Variants in SUSD6 observed in about 807,000 individuals in gnomAD.
The protein encoded by SUSD6 is sushi domain-containing protein 6.
SUSD6 carries 16 observed loss-of-function variants against 28.4 expected under a neutral mutation model. The ratio of observed to expected loss-of-function variants is 0.56; its 90% confidence interval spans 0.38 to 0.86. The LOEUF is 0.86. Ranked by LOEUF, SUSD6 falls within the 40% of genes least tolerant of loss-of-function variation. SUSD6 has a pLI of 0.00. For synonymous variants in SUSD6, 147 were observed against 159.6 expected, an observed-to-expected ratio of 0.92 and a Z score of 0.59; for missense variants, 341 against 384.2, an observed-to-expected ratio of 0.89 and a Z score of 0.94.
chr14:69,639,359 C>T (rs555673183), intron 1 of SUSD6, among the ~76,000 whole-genome samples: 68 of 144,192 alleles, frequency 4.7e-4, no homozygotes, highest in African/African-American at 1.7e-3. Flanking sequence ...CCAAACCTAG[C>T]GTTTAAAACA....
intron 1 of SUSD6, among the ~76,000 whole-genome samples, chr14:69,639,960 T>TTG (rs1885326068): frequency 2.1e-5 from 3 of 141,076 alleles, no homozygotes; most frequent in South Asian, 2.4e-4. Context: ...TACACTGTTT[T>TTG]TTTTTTTTTT....
chr14:69,709,900 G>A (rs1380820861), intron 5 of SUSD6, among the ~76,000 whole-genome samples: 1 of 152,162 alleles, frequency 6.6e-6, no homozygotes, highest in African/African-American at 2.4e-5. Flanking sequence ...GTGAAGACTT[G>A]TACACTCAGA....
intron 1 of SUSD6, among the ~76,000 whole-genome samples, chr14:69,657,724 A>G (rs1332850664): frequency 6.6e-6 from 1 of 152,206 alleles, no homozygotes; most frequent in Non-Finnish European, 1.5e-5. Context: ...TCGTCAACCC[A>G]TTTACCTCCC....
chr14:69,644,275 A>G (rs1274509978), intron 1 of SUSD6, among the ~76,000 whole-genome samples: 2 of 152,220 alleles, frequency 1.3e-5, no homozygotes, highest in African/African-American at 4.8e-5. Context: ...AAATTCTCTC[A>G]TTAATTTATG....
chr14:69,618,165 CA>C (rs1174172651), intron 1 of SUSD6, among the ~76,000 whole-genome samples: 1 of 152,134 alleles, frequency 6.6e-6, no homozygotes, highest in Non-Finnish European at 1.5e-5. Context: ...TGAAGTGCTC[CA>C]AAATCTTAAA....
At chr14:69,640,072 T>A (rs577447079) in intron 1 of SUSD6, among the ~76,000 whole-genome samples, 1 of 149,486 alleles carries the variant, frequency 6.7e-6, no homozygotes, top group South Asian at 2.1e-4. Flanking sequence ...TATAGTTTAG[T>A]GGGGGAGGGA....
intron 1 of SUSD6, among the ~76,000 whole-genome samples, chr14:69,625,014 A>G (rs1413135874): frequency 1.3e-5 from 2 of 152,264 alleles, no homozygotes; most frequent in Non-Finnish European, 2.9e-5. Context: ...ATCAAATGAA[A>G]TGGGATATTT....
At chr14:69,708,068 A>T (rs1434694062) in intron 4 of SUSD6, among the ~76,000 whole-genome samples, 1 of 152,194 alleles carries the variant, frequency 6.6e-6, no homozygotes, top group Admixed American at 6.5e-5. Flanking sequence ...CAAAGTTTTT[A>T]AAAAGTTTAC....
chr14:69,620,594 G>A (rs1423209142), intron 1 of SUSD6, among the ~76,000 whole-genome samples: 4 of 152,116 alleles, frequency 2.6e-5, no homozygotes, highest in Non-Finnish European at 4.4e-5. Flanking sequence ...TGATTGTTTG[G>A]GATTTGTCAG....
chr14:69,650,418 A>G (rs1300280266), intron 1 of SUSD6, among the ~76,000 whole-genome samples: 1 of 152,062 alleles, frequency 6.6e-6, no homozygotes, highest in Non-Finnish European at 1.5e-5. Context: ...TAGACCACCC[A>G]ATTGATAGTA....
At chr14:69,689,165 A>G (rs1418345465) in intron 2 of SUSD6, among the ~76,000 whole-genome samples, 1 of 152,030 alleles carries the variant, frequency 6.6e-6, no homozygotes, top group African/African-American at 2.4e-5. Flanking sequence ...CATTTCTACA[A>G]TCTTCTTTGG....
intron 1 of SUSD6, among the ~76,000 whole-genome samples, chr14:69,618,363 T>A (rs903251382): frequency 1.3e-5 from 2 of 152,172 alleles, no homozygotes; most frequent in Non-Finnish European, 2.9e-5. Flanking sequence ...TCTAAAACAT[T>A]TGTGATCCCA....
Position 69,711,041 on chromosome 14 carries a change from G to T in SUSD6, c.*62G>T, listed in dbSNP as rs1019057814. 4 of 1,547,634 alleles carry T rather than the reference G, an allele frequency of 2.6e-6. No homozygotes were observed. Among genetic ancestry groups the T allele is most frequent in the African/African-American group, 2.7e-5 (2 of 73,412 alleles). ...TCAGCCCTTCCTCCCTCTCCCTGTGGGATTGAGCACCCTGTACTCTCCAGC... is the reference window on the plus strand; with the variant it reads ...TCAGCCCTTCCTCCCTCTCCCTGTGTGATTGAGCACCCTGTACTCTCCAGC... On this transcript the variant is annotated 3_prime_UTR_variant, in exon 6 of 6. Coordinates refer to ENST00000342745, the MANE Select transcript of SUSD6 (RefSeq NM_014734.4).
At chr14:69,678,795 C>T (rs1277044122) in intron 2 of SUSD6, among the ~76,000 whole-genome samples, 1 of 151,876 alleles carries the variant, frequency 6.6e-6, no homozygotes, top group Non-Finnish European at 1.5e-5. Flanking sequence ...AGAGCAAGAC[C>T]CTATCTCAGA....
intron 2 of SUSD6, among the ~76,000 whole-genome samples, chr14:69,666,086 C>T (rs1566599012): frequency 1.3e-5 from 2 of 152,190 alleles, no homozygotes; most frequent in South Asian, 2.1e-4. Context: ...CAGGTTGGAA[C>T]GTGCTCCCTG....
intron 1 of SUSD6, among the ~76,000 whole-genome samples, chr14:69,624,224 C>G (rs971582426): frequency 2.6e-5 from 4 of 152,256 alleles, no homozygotes; most frequent in African/African-American, 9.6e-5. Context: ...AGTAACATAT[C>G]TGCTGTACAG....
chr14:69,647,165 G>A, intron 1 of SUSD6, among the ~76,000 whole-genome samples: 1 of 152,194 alleles, frequency 6.6e-6, no homozygotes, highest in Non-Finnish European at 1.5e-5. Context: ...CTTGGCCTTG[G>A]TGAAGCTGAA....
At chr14:69,704,799 G>A (rs549011495) in intron 4 of SUSD6, 57 bp downstream of exon 4, 2 of 1,579,190 alleles carry the variant, frequency 1.3e-6, no homozygotes, top group African/African-American at 1.3e-5. Flanking sequence ...TACTGTGGGG[G>A]CCAGTCTTTG....
At chr14:69,663,416 A>G (rs1035007092) in intron 2 of SUSD6, among the ~76,000 whole-genome samples, 2 of 152,228 alleles carry the variant, frequency 1.3e-5, no homozygotes, top group Non-Finnish European at 2.9e-5. Context: ...TTGAAAATGG[A>G]AAGTGTTGAG....
Sources: gnomAD v4.1 joint callset for allele counts (sites outside exome capture counted in the v4.1 genomes callset) on GRCh38, gnomAD v4.1.1 for gene constraint, MANE v1.5 for transcripts, NCBI Gene and HGNC (gene_info 2026-07-23, HGNC 2026-07-21) for gene names.